Variants in TBCA observed in about 807,000 individuals in gnomAD.
TBCA encodes tubulin-specific chaperone A.
Under a neutral mutation model 15.8 loss-of-function variants are expected in TBCA, and 6 were observed. The observed-to-expected ratio is 0.38, with a 90% CI of 0.21 to 0.75. TBCA has a LOEUF of 0.75. TBCA is among the 30% of genes least tolerant of loss of function. The pLI, the probability that TBCA is intolerant of heterozygous loss-of-function variation, is 0.46. For missense variants in TBCA, 90 were observed against 131.2 expected (o/e 0.69, Z 1.53); for synonymous variants, 32 against 42.3 (o/e 0.76, Z 0.94).
At chr5:77,751,159 CTTTTTTT>C (rs10573352) in intron 1 of TBCA, among the ~76,000 whole-genome samples, 5 of 81,894 alleles carry the variant, frequency 6.1e-5, no homozygotes, top group African/African-American at 1.4e-4. Flanking sequence ...TTCTTTCTTT[CTTTTTTT>C]TTTTTTTTTT....
chr5:77,701,726 T>A (rs1294461537), intron 2 of TBCA, among the ~76,000 whole-genome samples: 5 of 128,370 alleles, frequency 3.9e-5, no homozygotes, highest in African/African-American at 1.4e-4. Context: ...TATATATATA[T>A]GATGGAATAC....
chr5:77,767,851 G>C (rs1469226987), intron 1 of TBCA, among the ~76,000 whole-genome samples: 2 of 152,196 alleles, frequency 1.3e-5, no homozygotes, highest in Non-Finnish European at 2.9e-5. Context: ...GCTATGGTTT[G>C]AATGTTCGTA....
chr5:77,776,073 C>A, intron 1 of TBCA, 132 bp downstream of exon 1: 1 of 1,155,776 alleles, frequency 8.7e-7, no homozygotes, highest in East Asian at 2.8e-5. Context: ...TCCCAGCCAA[C>A]TGCGGAGCCC....
intron 1 of TBCA, among the ~76,000 whole-genome samples, chr5:77,741,329 C>A (rs1157092217): frequency 6.6e-6 from 1 of 152,112 alleles, no homozygotes; most frequent in East Asian, 1.9e-4. Context: ...GTTAGAGACA[C>A]AGGATTAAGA....
At chr5:77,774,458 A>G (rs1004130709) in intron 1 of TBCA, among the ~76,000 whole-genome samples, 1 of 152,214 alleles carries the variant, frequency 6.6e-6, no homozygotes, top group South Asian at 2.1e-4. Context: ...CATCTGCCTA[A>G]TAAGAACCTT....
intron 2 of TBCA, among the ~76,000 whole-genome samples, chr5:77,698,169 GAA>G (rs70991304): frequency 1.0e-4 from 13 of 128,552 alleles, no homozygotes; most frequent in Admixed American, 3.0e-4. Flanking sequence ...TTCTTGAAAA[GAA>G]AAAAAAAAAA....
chr5:77,746,447 T>A (rs945861170), intron 1 of TBCA, among the ~76,000 whole-genome samples: 2 of 152,152 alleles, frequency 1.3e-5, no homozygotes, highest in Non-Finnish European at 1.5e-5. Context: ...AAGGGAAGAT[T>A]GTCATACTAT....
chr5:77,758,756 G>C (rs1747537436), intron 1 of TBCA, among the ~76,000 whole-genome samples: 1 of 152,156 alleles, frequency 6.6e-6, no homozygotes, highest in Non-Finnish European at 1.5e-5. Context: ...GCCTGCCTGA[G>C]GCATTCTTCC....
chr5:77,772,403 C>A (rs564278430), intron 1 of TBCA, among the ~76,000 whole-genome samples: 1 of 152,000 alleles, frequency 6.6e-6, no homozygotes, highest in Non-Finnish European at 1.5e-5. Context: ...TGCAGCATAT[C>A]ACCATGGCAC....
chr5:77,744,138 A>G (rs1019365917), intron 1 of TBCA, among the ~76,000 whole-genome samples: 7 of 152,174 alleles, frequency 4.6e-5, no homozygotes, highest in Non-Finnish European at 1.0e-4. Context: ...CCATGCCCTC[A>G]TACCTATGGT....
chr5:77,738,045 T>C (rs1178662240), intron 1 of TBCA, among the ~76,000 whole-genome samples: 9 of 152,212 alleles, frequency 5.9e-5, no homozygotes, highest in African/African-American at 2.2e-4. Context: ...CTTAAGGATA[T>C]TACCTCTACC....
At chr5:77,739,434 CAG>C (rs1746983774) in intron 1 of TBCA, among the ~76,000 whole-genome samples, 1 of 152,198 alleles carries the variant, frequency 6.6e-6, no homozygotes, top group South Asian at 2.1e-4. Flanking sequence ...GCACTCTAAA[CAG>C]AGTGAGTGAG....
chr5:77,710,869 C>A (rs1458226182), intron 1 of TBCA, among the ~76,000 whole-genome samples: 1 of 152,116 alleles, frequency 6.6e-6, no homozygotes, highest in Non-Finnish European at 1.5e-5. Flanking sequence ...GATCATTATT[C>A]AGAATATCAA....
At chr5:77,770,579 CAA>C (rs11294658) in intron 1 of TBCA, among the ~76,000 whole-genome samples, 32 of 150,304 alleles carry the variant, frequency 2.1e-4, no homozygotes, top group Non-Finnish European at 3.7e-4. Context: ...TCCCCCGCTC[CAA>C]AAAAAAAACA....
chr5:77,775,761 C>T (rs1341909170), intron 1 of TBCA, among the ~76,000 whole-genome samples: 1 of 152,202 alleles, frequency 6.6e-6, no homozygotes, highest in Non-Finnish European at 1.5e-5. Flanking sequence ...CCCAGATCCT[C>T]CGCATCCCCC....
rs538907262 is a variant in TBCA, at chr5:77,760,888, T to C, written c.53+15317A>G. 1.9e-3 allele frequency among the ~76,000 whole-genome samples: 281 copies of C among 150,530 alleles called. 2 individuals are homozygous for C. The highest frequency in any genetic ancestry group is 3.5e-3 in the Admixed American group (53 of 15,168). ...CGTCTCTGCCTGGCCACCCATCGTC[T>C]GGGATGTGAGGAGCCCCTCTGCCTG... is the stretch of plus-strand genomic sequence containing the variant. On this transcript the variant is annotated intron_variant, in intron 1 of 3. Transcript: ENST00000380377.
chr5:77,751,523 A>C (rs1350057907), intron 1 of TBCA, among the ~76,000 whole-genome samples: 1 of 151,326 alleles, frequency 6.6e-6, no homozygotes, highest in Non-Finnish European at 1.5e-5. Flanking sequence ...CTGGCCAAGA[A>C]GGGAGTCCAT....
chr5:77,721,488 A>T lies in TBCA; in HGVS notation c.54-13141T>A, dbSNP rs376314252. Among the ~76,000 whole-genome samples the T allele has an allele frequency of 2.0e-5, 3 of 152,178 alleles. No homozygotes were observed. In the South Asian group the frequency reaches 6.2e-4, roughly 32 times the overall value. The stretch of plus-strand genomic sequence containing the variant: ...AAAATAATCATTATTAATAATTTTC[A>T]TTCAGAAAAACTTAAGAGTTACAAA... On this transcript the variant is annotated intron_variant, in intron 1 of 3. Transcript: ENST00000380377.
chr5:77,695,947 A>G (rs76822653), intron 2 of TBCA, among the ~76,000 whole-genome samples: 2,520 of 152,302 alleles, frequency 0.017, 68 homozygotes, highest in African/African-American at 0.057. Flanking sequence ...TAGTTTAGCA[A>G]GGTTCAGGTT....
Sources: allele counts gnomAD v4.1 joint callset (sites outside exome capture counted in the v4.1 genomes callset), GRCh38; gene constraint gnomAD v4.1.1; transcripts MANE v1.5; gene names NCBI Gene and HGNC (gene_info 2026-07-23, HGNC 2026-07-21).